Variants in PRIM2 observed in about 807,000 individuals in gnomAD.
PRIM2 encodes the protein DNA primase subunit 2, also known as DNA primase large subunit.
PRIM2 carries 39 observed loss-of-function variants against 67.3 expected under a neutral mutation model. That is an observed-to-expected ratio of 0.58 (90% CI 0.45 to 0.76). The LOEUF is 0.76. Ranked by LOEUF, PRIM2 falls within the 30% of genes least tolerant of loss-of-function variation. The pLI is 0.00. For synonymous variants in PRIM2, 143 were observed against 198.7 expected (o/e 0.72, Z 2.36); for missense variants, 398 against 598.7 (o/e 0.66, Z 3.50).
chr6:57,247,139 CCA>C, the PRIM2 span, among the ~76,000 whole-genome samples: 1 of 152,206 alleles, frequency 6.6e-6, no homozygotes. Flanking sequence ...CAGGCGTGAG[CCA>C]CACCGCGCCC....
chr6:57,457,306 C>A (rs1040656776), intron 7 of PRIM2, among the ~76,000 whole-genome samples: 1 of 152,230 alleles, frequency 6.6e-6, no homozygotes, highest in African/African-American at 2.4e-5. Context: ...CCACTACTCT[C>A]TTCAAAGCTG....
chr6:57,582,598 CTT>C (rs1459025133), intron 10 of PRIM2, among the ~76,000 whole-genome samples: 1 of 152,120 alleles, frequency 6.6e-6, no homozygotes, highest in Admixed American at 6.5e-5. Flanking sequence ...TAGTAGATAA[CTT>C]TTCTCTGGTT....
At chr6:57,465,507 C>A (rs1350822508) in intron 7 of PRIM2, among the ~76,000 whole-genome samples, 7 of 152,112 alleles carry the variant, frequency 4.6e-5, no homozygotes, top group African/African-American at 7.2e-5. Context: ...TGATTTTGGA[C>A]TTTGTCGCAG....
At position 57,397,611 on chromosome 6, in the gene PRIM2, C is replaced by G. The variant is rs577849124; in HGVS notation, c.693+15443C>G. 3.3e-5 allele frequency among the ~76,000 whole-genome samples: 5 copies of G among 151,942 alleles called. No homozygotes were observed. The East Asian group carries it at 9.7e-4, about 29-fold the overall frequency. The stretch of plus-strand genomic sequence containing the variant: ...TTGGATTTCCTTGCATTGGGCTTCC[C>G]CTTTCTTGGCCCCTCCCTGATTAGC... On this transcript the variant is annotated intron_variant, in intron 7 of 13. Transcript: ENST00000615550.
chr6:57,576,084 G>A (rs1421928112), intron 10 of PRIM2, among the ~76,000 whole-genome samples: 1 of 151,972 alleles, frequency 6.6e-6, no homozygotes, highest in African/African-American at 2.4e-5. Context: ...AGCCTAAATT[G>A]TCTGATTTAG....
chr6:57,489,261 T>G (rs1191575872), intron 7 of PRIM2, among the ~76,000 whole-genome samples: 20 of 152,206 alleles, frequency 1.3e-4, no homozygotes, highest in Non-Finnish European at 2.4e-4. Flanking sequence ...GTTTTAAAAG[T>G]GTTAGATTAT....
chr6:57,223,294 G>A, the PRIM2 span, among the ~76,000 whole-genome samples: 1 of 152,184 alleles, frequency 6.6e-6, no homozygotes, highest in Non-Finnish European at 1.5e-5. Flanking sequence ...GCAGGGGATA[G>A]TGACTGGAAG....
chr6:57,301,175 C>T, the PRIM2 span, among the ~76,000 whole-genome samples: 1 of 152,110 alleles, frequency 6.6e-6, no homozygotes, highest in African/African-American at 2.4e-5. Context: ...AAATCATAGT[C>T]AAGTATGGTA....
chr6:57,548,875 T>C (rs1775343116), intron 10 of PRIM2, among the ~76,000 whole-genome samples: 1 of 152,056 alleles, frequency 6.6e-6, no homozygotes, highest in African/African-American at 2.4e-5. Flanking sequence ...TAAAGAAAGT[T>C]GAAGAGTCTA....
intron 13 of PRIM2, among the ~76,000 whole-genome samples, chr6:57,638,576 C>CAAAAAAAAAAA (rs1227220865): frequency 1.2e-3 from 39 of 31,940 alleles, no homozygotes; most frequent in South Asian, 1.8e-3. Context: ...AAACAGAAAG[C>CAAAAAAAAAAA]AAAAAAAAAA....
In PRIM2 at chr6:57,380,417, G is replaced by C. The variant is rs9382716; in HGVS notation, c.555+421G>C. On this transcript the variant is annotated intron_variant, in intron 6 of 13. Transcript: ENST00000615550. ...GTGTCTTGCCTCATGGTCTCTCTGTGATTCCACTGGGCTCTGACATTGTAA... is the reference window on the plus strand; with the variant it reads ...GTGTCTTGCCTCATGGTCTCTCTGTCATTCCACTGGGCTCTGACATTGTAA... Among the ~76,000 whole-genome samples the C allele has an allele frequency of 6.5e-3, 973 of 150,578 alleles. 10 individuals carry two copies. The highest frequency in any genetic ancestry group is 0.037 in the Admixed American group (554 of 15,082).
At chr6:57,255,187 A>G in the PRIM2 span, among the ~76,000 whole-genome samples, 1 of 152,128 alleles carries the variant, frequency 6.6e-6, no homozygotes, top group African/African-American at 2.4e-5. Flanking sequence ...CCGAGGATCC[A>G]TAGTTGATTA....
chr6:57,572,071 T>C (rs1775874189), intron 10 of PRIM2, among the ~76,000 whole-genome samples: 1 of 152,248 alleles, frequency 6.6e-6, no homozygotes, highest in Non-Finnish European at 1.5e-5. Flanking sequence ...CTACAATTTT[T>C]AAATCCTAGA....
At chr6:57,427,114 C>A (rs9475943) in intron 7 of PRIM2, among the ~76,000 whole-genome samples, 1 of 152,062 alleles carries the variant, frequency 6.6e-6, no homozygotes, top group Non-Finnish European at 1.5e-5. Context: ...TTCTTTATCA[C>A]CCTGGCAGAA....
At chr6:57,445,074 T>A (rs572554684) in intron 7 of PRIM2, among the ~76,000 whole-genome samples, 160 of 152,344 alleles carry the variant, frequency 1.1e-3, no homozygotes, top group African/African-American at 3.7e-3. Flanking sequence ...AATTGATAAT[T>A]CTGCTTTTTC....
chr6:57,547,556 G>A (rs1433789892), intron 10 of PRIM2, among the ~76,000 whole-genome samples: 152 of 152,244 alleles, frequency 1.0e-3, no homozygotes, highest in Non-Finnish European at 1.8e-3. Flanking sequence ...TCACTTCGGC[G>A]ACTAGCTTTG....
At chr6:57,417,183 C>T (rs1771293718) in intron 7 of PRIM2, among the ~76,000 whole-genome samples, 1 of 151,966 alleles carries the variant, frequency 6.6e-6, no homozygotes, top group Admixed American at 6.6e-5. Context: ...GTCAGGCTAG[C>T]CTCGAACTCC....
intron 7 of PRIM2, among the ~76,000 whole-genome samples, chr6:57,403,078 T>C (rs4236149): frequency 0.1 from 12,358 of 122,644 alleles, 1,340 homozygotes; most frequent in African/African-American, 0.31. Context: ...GCAATATTCA[T>C]GGAATAGTAT....
At chr6:57,387,708 A>T (rs1424064876) in intron 7 of PRIM2, among the ~76,000 whole-genome samples, 1 of 151,858 alleles carries the variant, frequency 6.6e-6, no homozygotes, top group Non-Finnish European at 1.5e-5. Context: ...TGAGGGAAAG[A>T]TAGATTTTTT....
Sources: gnomAD v4.1 joint callset for allele counts (sites outside exome capture counted in the v4.1 genomes callset) on GRCh38, gnomAD v4.1.1 for gene constraint, MANE v1.5 for transcripts, NCBI Gene and HGNC (gene_info 2026-07-23, HGNC 2026-07-21) for gene names.